The following ERC2 variants were observed in gnomAD, a reference collection of about 807,000 sequenced individuals.
ERC2 encodes ERC protein 2.
A neutral mutation model predicts 114.8 loss-of-function variants in ERC2; 42 were observed. The ratio of observed to expected loss-of-function variants is 0.37; its 90% CI spans 0.29 to 0.47. The LOEUF (loss-of-function observed/expected upper bound fraction) is 0.47. Ranked by LOEUF, ERC2 falls within the 20% of genes least tolerant of loss-of-function variation. The pLI is 0.99. For missense variants in ERC2, 939 were observed against 1,150.7 expected, an observed-to-expected ratio of 0.82 and a Z score of 2.66; for synonymous variants, 454 against 425.5, an observed-to-expected ratio of 1.07 and a Z score of -0.82.
At chr3:56,342,053 C>A (rs1313589730) in intron 2 of ERC2, among the ~76,000 whole-genome samples, 1 of 152,202 alleles carries the variant, frequency 6.6e-6, no homozygotes, top group Non-Finnish European at 1.5e-5. Context: ...CTGCATTCTG[C>A]AAACCTGCAG....
intron 13 of ERC2, among the ~76,000 whole-genome samples, chr3:55,901,322 G>T (rs1165760044): frequency 6.6e-6 from 1 of 152,126 alleles, no homozygotes; most frequent in Admixed American, 6.6e-5. Flanking sequence ...TCTAGGCAAG[G>T]TGTGACTGGG....
intron 3 of ERC2, among the ~76,000 whole-genome samples, chr3:56,223,429 C>T (rs570432578): frequency 1.6e-4 from 23 of 148,264 alleles, no homozygotes; most frequent in South Asian, 8.5e-4. Context: ...AGGCAACATA[C>T]GCAAGAAAGT....
intron 14 of ERC2, among the ~76,000 whole-genome samples, chr3:55,857,142 C>T (rs985336427): frequency 6.6e-6 from 1 of 151,888 alleles, no homozygotes; most frequent in African/African-American, 2.4e-5. Flanking sequence ...GAATTGTATA[C>T]TTTATATTGG....
At chr3:56,116,630 G>A (rs749954007) in intron 6 of ERC2, among the ~76,000 whole-genome samples, 9 of 152,108 alleles carry the variant, frequency 5.9e-5, no homozygotes, top group African/African-American at 1.2e-4. Flanking sequence ...GGGATTCCCT[G>A]AGCACACACT....
At chr3:55,813,877 C>T (rs775590356) in intron 14 of ERC2, among the ~76,000 whole-genome samples, 33 of 152,164 alleles carry the variant, frequency 2.2e-4, no homozygotes, top group Non-Finnish European at 1.3e-4. Flanking sequence ...ATTTAGTCAA[C>T]CACTCTCCTA....
At chr3:56,028,999 G>C (rs567518164) in intron 7 of ERC2, among the ~76,000 whole-genome samples, 18 of 152,006 alleles carry the variant, frequency 1.2e-4, no homozygotes, top group Non-Finnish European at 2.6e-4. Flanking sequence ...CTTACTAAGA[G>C]TTTTTATTAT....
chr3:56,355,404 G>A (rs76601907), intron 2 of ERC2, among the ~76,000 whole-genome samples: 2,986 of 149,358 alleles, frequency 0.02, 104 homozygotes, highest in African/African-American at 0.067. Flanking sequence ...CTGCAACCTC[G>A]ACCTCCCAGG....
chr3:56,237,572 G>A (rs762289476), intron 3 of ERC2, among the ~76,000 whole-genome samples: 2 of 152,156 alleles, frequency 1.3e-5, no homozygotes, highest in African/African-American at 2.4e-5. Flanking sequence ...ATGTAGAAAT[G>A]CATTTAAGAA....
intron 17 of ERC2, chr3:55,647,269 A>G (rs1385871498): frequency 2.0e-5 from 3 of 152,210 alleles, no homozygotes; most frequent in East Asian, 1.9e-4. Context: ...CCTGGGAGAC[A>G]GGCTGTTTGG....
chr3:56,441,770 C>T (rs1325154456), intron 1 of ERC2, among the ~76,000 whole-genome samples: 4 of 152,192 alleles, frequency 2.6e-5, no homozygotes, highest in African/African-American at 9.6e-5. Flanking sequence ...TGGTCTCAAA[C>T]TCCTAACCTC....
intron 14 of ERC2, among the ~76,000 whole-genome samples, chr3:55,808,550 G>T (rs2149118955): frequency 6.6e-6 from 1 of 151,666 alleles, no homozygotes; most frequent in Admixed American, 6.6e-5. Context: ...AGGAGGGAGG[G>T]TTGGCAGTGC....
chr3:55,521,784 T>C (rs369088919), intron 17 of ERC2, among the ~76,000 whole-genome samples: 50 of 152,326 alleles, frequency 3.3e-4, no homozygotes, highest in African/African-American at 1.2e-3. Context: ...TGCAAAGAAT[T>C]AAGCTTGTAA....
intron 17 of ERC2, among the ~76,000 whole-genome samples, chr3:55,576,005 A>G (rs2056960417): frequency 1.3e-5 from 2 of 152,126 alleles, no homozygotes; most frequent in Non-Finnish European, 1.5e-5. Context: ...TAAGCTATTT[A>G]CCTCTATAAA....
chr3:55,960,700 C>T (rs559859742), intron 12 of ERC2, among the ~76,000 whole-genome samples: 1 of 152,232 alleles, frequency 6.6e-6, no homozygotes, highest in Non-Finnish European at 1.5e-5. Context: ...GCCCAAGCTA[C>T]CATCATGTCC....
At chr3:55,551,291 G>A (rs943316578) in intron 17 of ERC2, among the ~76,000 whole-genome samples, 3 of 152,098 alleles carry the variant, frequency 2.0e-5, no homozygotes, top group Non-Finnish European at 2.9e-5. Flanking sequence ...GGGAGGCAGA[G>A]GCGGGTGGAT....
At chr3:56,163,353 T>A (rs959318130) in intron 4 of ERC2, among the ~76,000 whole-genome samples, 1 of 152,096 alleles carries the variant, frequency 6.6e-6, no homozygotes, top group Non-Finnish European at 1.5e-5. Context: ...GGTTGATGAG[T>A]GGAATATTCT....
intron 17 of ERC2, among the ~76,000 whole-genome samples, chr3:55,583,713 C>A (rs996430891): frequency 6.6e-6 from 1 of 151,512 alleles, no homozygotes; most frequent in Non-Finnish European, 1.5e-5. Flanking sequence ...CTTGTGGAAG[C>A]TGGGGGATCT....
chr3:56,104,480 T>C (rs910970264), intron 6 of ERC2, among the ~76,000 whole-genome samples: 15 of 152,244 alleles, frequency 9.9e-5, no homozygotes, highest in Admixed American at 2.6e-4. Flanking sequence ...TAAGACTTTG[T>C]TGAGGTGGCA....
intron 2 of ERC2, among the ~76,000 whole-genome samples, chr3:56,377,186 G>A (rs2059578361): frequency 6.6e-6 from 1 of 152,148 alleles, no homozygotes; most frequent in African/African-American, 2.4e-5. Context: ...TGTCAAGTGA[G>A]TAAAATATAC....
Sources: allele counts gnomAD v4.1 joint callset (sites outside exome capture counted in the v4.1 genomes callset), GRCh38; gene constraint gnomAD v4.1.1; transcripts MANE v1.5; gene names NCBI Gene and HGNC (gene_info 2026-07-23, HGNC 2026-07-21).